The following GPLD1 variants were observed in gnomAD, a reference collection of about 807,000 sequenced individuals.
GPLD1 encodes the protein phosphatidylinositol-glycan-specific phospholipase D.
In GPLD1, 84 loss-of-function variants were observed where a neutral mutation model predicts 112.6. The observed-to-expected ratio is 0.75, with a 90% CI of 0.63 to 0.89. The LOEUF is 0.89. Among genes scored for constraint, GPLD1 ranks in the 40% least tolerant of loss-of-function variants. GPLD1 has a pLI of 0.00. For synonymous variants in GPLD1, 386 were observed against 403.8 expected, an observed-to-expected ratio of 0.96 and a Z score of 0.53; for missense variants, 1,044 against 1,051.5, an observed-to-expected ratio of 0.99 and a Z score of 0.10.
upstream of GPLD1, among the ~76,000 whole-genome samples, chr6:24,490,183 T>G (rs994863716): frequency 7.9e-5 from 12 of 152,108 alleles, no homozygotes; most frequent in African/African-American, 2.7e-4. Context: ...TTCCTGCAGC[T>G]GAAGCAAAGA....
intron 14 of GPLD1, among the ~76,000 whole-genome samples, chr6:24,451,463 C>T (rs527296681): frequency 2.6e-5 from 4 of 152,274 alleles, no homozygotes; most frequent in East Asian, 1.9e-4. Flanking sequence ...CTCAGCCTCC[C>T]GAGTAGCTGG....
rs766726890 is a variant in GPLD1 at position 24,456,510 on chromosome 6, G to A, written c.1136C>T (p.Ala379Val). Residue 379 changes from alanine (A) to valine (V), a missense_variant, in exon 13 of 25, where the codon GCG becomes GTG. By Grantham distance (64) the Ala-to-Val change is moderately conservative. Transcript: ENST00000230036. Reference sequence around the variant, plus strand: ...AACTTATACGTACCAGCCAAGCCTCGCATAAGGAAATGACAAGAAGTAAGA... The same window carrying A: ...AACTTATACGTACCAGCCAAGCCTCACATAAGGAAATGACAAGAAGTAAGA... Reference protein sequence around the residue: ...LASYFLSFPYARLGWAMTSAD... With the variant: ...LASYFLSFPYVRLGWAMTSAD... The A allele has an allele frequency of 1.1e-5, 17 of 1,605,650 alleles. No individual in the cohort carries two copies. The highest frequency in any genetic ancestry group is 1.3e-5 in the Non-Finnish European group (15 of 1,175,276).
At chr6:24,458,278 C>T (rs377250690) in intron 12 of GPLD1, among the ~76,000 whole-genome samples, 2 of 152,114 alleles carry the variant, frequency 1.3e-5, no homozygotes, top group East Asian at 3.9e-4. Context: ...ACGAGTATGC[C>T]TTCTGCTTTG....
At chr6:24,463,168 T>C (rs375353832) in intron 10 of GPLD1, among the ~76,000 whole-genome samples, 24 of 148,058 alleles carry the variant, frequency 1.6e-4, no homozygotes, top group African/African-American at 5.1e-4. Flanking sequence ...TAAATGTGTC[T>C]GAATTTCTCA....
chr6:24,490,309 G>A (rs1482968871), upstream of GPLD1, among the ~76,000 whole-genome samples: 2 of 152,144 alleles, frequency 1.3e-5, no homozygotes, highest in Non-Finnish European at 2.9e-5. Context: ...CTTCATCCAT[G>A]GGAAAAATTA....
chr6:24,474,982 G>A (rs938007638), intron 5 of GPLD1, 139 bp downstream of exon 5: 61 of 537,274 alleles, frequency 1.1e-4, no homozygotes, highest in Admixed American at 8.0e-4. Flanking sequence ...TGGAAAAGAT[G>A]GGACTCTAAC....
At chr6:24,449,689 T>A in intron 15 of GPLD1, 100 bp downstream of exon 15, 1 of 758,978 alleles carries the variant, frequency 1.3e-6, no homozygotes, top group South Asian at 1.6e-5. Context: ...ACACACTGGC[T>A]GTCTGCTTTG....
chr6:24,446,579 T>G (rs1396546622), intron 18 of GPLD1, among the ~76,000 whole-genome samples: 1 of 152,122 alleles, frequency 6.6e-6, no homozygotes, highest in Admixed American at 6.5e-5. Context: ...GAGACAGGCC[T>G]CAGGAGAAAC....
chr6:24,479,850 A>T, intron 3 of GPLD1, 31 bp downstream of exon 3: 1 of 1,216,146 alleles, frequency 8.2e-7, no homozygotes, highest in Non-Finnish European at 1.2e-6. Flanking sequence ...AGTAAAAGTG[A>T]CTTCATTCAG....
chr6:24,493,134 G>C (rs1045969957), upstream of GPLD1, among the ~76,000 whole-genome samples: 9 of 152,108 alleles, frequency 5.9e-5, no homozygotes, highest in African/African-American at 2.2e-4. Context: ...AAGAGAGGCA[G>C]CCACAATTAA....
chr6:24,452,001 C>G (rs1454218327), intron 14 of GPLD1, among the ~76,000 whole-genome samples: 1 of 152,204 alleles, frequency 6.6e-6, no homozygotes, highest in African/African-American at 2.4e-5. Context: ...CTTGAGTTTC[C>G]TATCATAAAC....
intron 2 of GPLD1, among the ~76,000 whole-genome samples, chr6:24,480,817 C>T (rs1243895264): frequency 2.6e-5 from 4 of 152,204 alleles, no homozygotes; most frequent in African/African-American, 9.6e-5. Context: ...GACTACATTT[C>T]CCAGGCTGTC....
At chr6:24,458,587 A>G (rs1347948440) in intron 12 of GPLD1, among the ~76,000 whole-genome samples, 1 of 152,202 alleles carries the variant, frequency 6.6e-6, no homozygotes, top group African/African-American at 2.4e-5. Flanking sequence ...TTTGTTAAAA[A>G]AATTGTTAAA....
intron 12 of GPLD1, among the ~76,000 whole-genome samples, chr6:24,457,996 C>A (rs1197516058): frequency 6.6e-6 from 1 of 151,796 alleles, no homozygotes; most frequent in Non-Finnish European, 1.5e-5. Flanking sequence ...ATTTGGGGGA[C>A]AACAAGCCCC....
At chr6:24,486,370 T>C (rs765230678) in intron 1 of GPLD1, among the ~76,000 whole-genome samples, 6 of 152,254 alleles carry the variant, frequency 3.9e-5, no homozygotes, top group Non-Finnish European at 1.5e-5. Flanking sequence ...AACTATTAAA[T>C]AACTCTATGA....
intron 12 of GPLD1, among the ~76,000 whole-genome samples, chr6:24,459,030 T>C (rs1176098633): frequency 1.3e-5 from 2 of 152,196 alleles, no homozygotes; most frequent in Non-Finnish European, 2.9e-5. Flanking sequence ...CCTACTTAGC[T>C]TCCTAAGCCT....
At chr6:24,445,082 C>T (rs1186485381) in intron 20 of GPLD1, among the ~76,000 whole-genome samples, 2 of 152,000 alleles carry the variant, frequency 1.3e-5, no homozygotes, top group African/African-American at 2.4e-5. Context: ...GGCTGGAGTG[C>T]AGTGGCATGA....
At chr6:24,462,872 G>A (rs1037743926) in intron 10 of GPLD1, 77 bp from the exon 11 acceptor site, 32 of 1,017,088 alleles carry the variant, frequency 3.1e-5, no homozygotes, top group African/African-American at 4.7e-5. Flanking sequence ...TCGGTAGTGC[G>A]CTTCAATCAT....
intron 2 of GPLD1, among the ~76,000 whole-genome samples, chr6:24,481,314 G>A (rs13218564): frequency 0.3 from 45,728 of 151,218 alleles, 8,404 homozygotes; most frequent in Non-Finnish European, 0.41. Flanking sequence ...GACACACTGG[G>A]CAAAGTAAAA....
Sources: gnomAD v4.1 joint callset for allele counts (sites outside exome capture counted in the v4.1 genomes callset) on GRCh38, gnomAD v4.1.1 for gene constraint, MANE v1.5 for transcripts, NCBI Gene and HGNC (gene_info 2026-07-23, HGNC 2026-07-21) for gene names.